The following R3HDM1 variants were observed in gnomAD, a reference collection of about 807,000 sequenced individuals.
R3HDM1 encodes the protein R3H domain-containing protein 1.
A neutral mutation model predicts 141.1 loss-of-function variants in R3HDM1; 46 were observed. The observed-to-expected ratio is 0.33, with a 90% CI of 0.26 to 0.42. R3HDM1 has a LOEUF of 0.42. Among genes scored for constraint, R3HDM1 ranks in the 10% least tolerant of loss-of-function variants. The pLI, the probability that R3HDM1 is intolerant of heterozygous loss-of-function variation, is 1.00. For synonymous variants in R3HDM1, 435 were observed against 472.9 expected (o/e 0.92, Z 1.04); for missense variants, 1,184 against 1,368.3 (o/e 0.87, Z 2.12).
intron 21 of R3HDM1, among the ~76,000 whole-genome samples, chr2:135,705,509 G>C (rs962107982): frequency 6.6e-6 from 1 of 152,100 alleles, no homozygotes; most frequent in African/African-American, 2.4e-5. Context: ...GCAGTGGTGG[G>C]CGCTTGTAGT....
chr2:135,691,597 C>CAA (rs60358239), intron 21 of R3HDM1, among the ~76,000 whole-genome samples: 29 of 142,214 alleles, frequency 2.0e-4, no homozygotes, highest in African/African-American at 6.2e-4. Flanking sequence ...CCCCTGTCTC[C>CAA]AAAAAAAAAA....
At chr2:135,615,041 A>G (rs1462090544) in intron 3 of R3HDM1, among the ~76,000 whole-genome samples, 1 of 152,116 alleles carries the variant, frequency 6.6e-6, no homozygotes, top group Non-Finnish European at 1.5e-5. Context: ...TCTTCTGTAT[A>G]AGAAACAAAG....
chr2:135,547,409 C>T (rs900491974), intron 1 of R3HDM1, among the ~76,000 whole-genome samples: 1 of 151,428 alleles, frequency 6.6e-6, no homozygotes, highest in African/African-American at 2.4e-5. Context: ...ATCAGTTTAT[C>T]AGAATTATGT....
intron 14 of R3HDM1, among the ~76,000 whole-genome samples, 191 bp from the exon 15 acceptor site, chr2:135,641,345 G>C (rs935887584): frequency 1.3e-5 from 2 of 152,122 alleles, no homozygotes; most frequent in South Asian, 4.1e-4. Flanking sequence ...GACAACTTAC[G>C]TAATCAGTTT....
At chr2:135,537,960 G>A (rs530512492) in intron 1 of R3HDM1, among the ~76,000 whole-genome samples, 17 of 152,210 alleles carry the variant, frequency 1.1e-4, no homozygotes, top group African/African-American at 3.4e-4. Flanking sequence ...CCATACCATG[G>A]AATACTATGC....
intron 21 of R3HDM1, among the ~76,000 whole-genome samples, chr2:135,695,375 C>CAA (rs1440913288): frequency 6.6e-6 from 1 of 151,996 alleles, no homozygotes; most frequent in Non-Finnish European, 1.5e-5. Flanking sequence ...GTATAAAAAT[C>CAA]AGAGAGGGAA....
intron 1 of R3HDM1, chr2:135,566,726 G>A: frequency 1.0e-6 from 1 of 985,234 alleles, no homozygotes; most frequent in Non-Finnish European, 1.2e-6. Context: ...TAGTCGTTTG[G>A]ATGGTTCTAG....
intron 1 of R3HDM1, among the ~76,000 whole-genome samples, chr2:135,540,079 C>T (rs1697133058): frequency 6.6e-6 from 1 of 152,220 alleles, no homozygotes; most frequent in Admixed American, 6.5e-5. Flanking sequence ...TATTCTAAAT[C>T]CTTTGTTGCT....
intron 21 of R3HDM1, 89 bp downstream of exon 21, chr2:135,680,413 C>A: frequency 1.4e-6 from 2 of 1,385,870 alleles, no homozygotes; most frequent in Non-Finnish European, 2.0e-6. Context: ...GACTAAGGGG[C>A]ATTACTTGAG....
At chr2:135,686,075 T>C (rs2071284114) in intron 21 of R3HDM1, among the ~76,000 whole-genome samples, 1 of 152,174 alleles carries the variant, frequency 6.6e-6, no homozygotes, top group South Asian at 2.1e-4. Flanking sequence ...GGATGCTTGA[T>C]ATCACTAATC....
chr2:135,626,078 G>C (rs941852425), intron 7 of R3HDM1, among the ~76,000 whole-genome samples: 3 of 152,130 alleles, frequency 2.0e-5, no homozygotes, highest in African/African-American at 7.2e-5. Flanking sequence ...GGCAGTCTTG[G>C]GGACTGAGCC....
At chr2:135,666,072 T>C (rs181269804) in intron 19 of R3HDM1, among the ~76,000 whole-genome samples, 22 of 152,314 alleles carry the variant, frequency 1.4e-4, no homozygotes, top group African/African-American at 5.3e-4. Context: ...AATCATATGG[T>C]TCCAAGTTGA....
chr2:135,592,958 C>T (rs1709654253), intron 1 of R3HDM1, among the ~76,000 whole-genome samples: 1 of 151,470 alleles, frequency 6.6e-6, no homozygotes, highest in Admixed American at 6.6e-5. Flanking sequence ...CTCACTTTTT[C>T]GCCCAGGCTG....
At chr2:135,721,811 C>A in intron 24 of R3HDM1, 113 bp from the exon 25 acceptor site, 1 of 788,796 alleles carries the variant, frequency 1.3e-6, no homozygotes, top group Non-Finnish European at 2.1e-6. Context: ...TGGTCTCGAA[C>A]TCCTGGCCTT....
chr2:135,570,081 T>G (rs75115852), intron 1 of R3HDM1, among the ~76,000 whole-genome samples: 3 of 152,340 alleles, frequency 2.0e-5, no homozygotes, highest in East Asian at 3.9e-4. Flanking sequence ...CATTCAAGAA[T>G]TAGAAAAATC....
intron 15 of R3HDM1, 116 bp from the exon 16 acceptor site, chr2:135,645,263 G>GTT: frequency 1.1e-6 from 1 of 890,698 alleles, no homozygotes; most frequent in Non-Finnish European, 1.7e-6. Context: ...AAATATTAGG[G>GTT]TTTTTTTTTA....
chr2:135,616,357 T>C (rs1301630387), intron 4 of R3HDM1, among the ~76,000 whole-genome samples, 164 bp downstream of exon 4: 1 of 152,230 alleles, frequency 6.6e-6, no homozygotes, highest in Non-Finnish European at 1.5e-5. Context: ...CCTAGTCGCT[T>C]TTGTGCATTG....
At chr2:135,612,480 CTGTT>C (rs904381016) in intron 3 of R3HDM1, among the ~76,000 whole-genome samples, 3 of 152,036 alleles carry the variant, frequency 2.0e-5, no homozygotes, top group African/African-American at 7.2e-5. Context: ...AAGGATTGCT[CTGTT>C]TTTTTCAGTT....
intron 1 of R3HDM1, among the ~76,000 whole-genome samples, chr2:135,579,409 A>G (rs1174059764): frequency 6.6e-6 from 1 of 152,198 alleles, no homozygotes; most frequent in African/African-American, 2.4e-5. Context: ...TCCAATTAGC[A>G]TAGATGAAAA....
Sources: allele counts gnomAD v4.1 joint callset (sites outside exome capture counted in the v4.1 genomes callset), GRCh38; gene constraint gnomAD v4.1.1; transcripts MANE v1.5; gene names NCBI Gene and HGNC (gene_info 2026-07-23, HGNC 2026-07-21).